NBEAL1: variants seen among roughly 807,000 people sequenced by gnomAD.
NBEAL1 encodes neurobeachin-like protein 1.
Under a neutral mutation model 351.3 loss-of-function variants are expected in NBEAL1, and 273 were observed. The observed-to-expected ratio is 0.78, with a 90% CI of 0.70 to 0.86. The LOEUF is 0.86. Among genes scored for constraint, NBEAL1 ranks in the 40% least tolerant of loss-of-function variants. The pLI is 0.00. For missense variants in NBEAL1, 2,961 were observed against 3,201.3 expected, an observed-to-expected ratio of 0.92 and a Z score of 1.81; for synonymous variants, 1,050 against 1,086.4, an observed-to-expected ratio of 0.97 and a Z score of 0.66.
rs2065697614 is a variant in NBEAL1, at chr2:203,209,136, AT to A, written c.7624-21del. The A allele has an allele frequency of 5.1e-6, 8 of 1,560,846 alleles. No homozygotes were observed. In the East Asian group the frequency reaches 1.8e-4, roughly 36 times the overall value. On this transcript the variant is annotated intron_variant, in intron 52 of 55. Transcript: ENST00000683969. ...GCTGTTCTTTTCCTTTGTCTTTTTC[AT>A]TTTCTGATATATCCTGTGTGTAGGA...
chr2:203,016,281 A>C lies in NBEAL1; in HGVS notation c.-104A>C. Reference sequence around the variant, plus strand: ...TCTTTTTGCTTTCTTTACTGCTATGAGCTTTACTGAACGGCTGAAAAACTT... The same window carrying C: ...TCTTTTTGCTTTCTTTACTGCTATGCGCTTTACTGAACGGCTGAAAAACTT... On this transcript the variant is annotated 5_prime_UTR_variant, in exon 2 of 56. Coordinates refer to ENST00000683969, the MANE Select transcript of NBEAL1 (RefSeq NM_001378026.1). 1.4e-6 allele frequency: 1 copy of C among 726,306 alleles called. No individual in the cohort carries two copies. The allele number at this position is 726,306 out of a possible 1,614,324, so 45.0% of individuals were successfully genotyped here.
intron 43 of NBEAL1, chr2:203,182,121 T>G (rs2064736714): frequency 6.6e-6 from 1 of 152,128 alleles, no homozygotes; most frequent in African/African-American, 2.4e-5. Context: ...AGGAAAAAAT[T>G]TAATAAAACC....
chr2:203,153,805 T>G lies in NBEAL1; in HGVS notation c.5587+2216T>G, dbSNP rs2063724392. On this transcript the variant is annotated intron_variant, in intron 35 of 55. Coordinates refer to ENST00000683969, the MANE Select transcript of NBEAL1 (RefSeq NM_001378026.1). ...AGGCATAGTGTTCCATATTATTTTC[T>G]CGACTTTTGCCAAGAAATTTCCTTC... Among the ~76,000 whole-genome samples, 2 of 152,218 alleles carry G rather than the reference T, an allele frequency of 1.3e-5. 1 individual carries two copies. Among genetic ancestry groups the G allele is most frequent in the South Asian group, 4.1e-4 (2 of 4,826 alleles).
chr2:203,050,090 C>T, intron 4 of NBEAL1, 115 bp downstream of exon 4: 1 of 927,920 alleles, frequency 1.1e-6, no homozygotes. Flanking sequence ...GGGTAGGGTG[C>T]TAGGAGAGGG....
At chr2:203,053,578 G>A (rs746743010) in intron 4 of NBEAL1, among the ~76,000 whole-genome samples, 2 of 151,922 alleles carry the variant, frequency 1.3e-5, no homozygotes, top group African/African-American at 4.8e-5. Flanking sequence ...CCTGAGGTGC[G>A]GTGGCATGAT....
chr2:203,034,039 TTTAC>T (rs1359906693), intron 2 of NBEAL1, among the ~76,000 whole-genome samples: 1 of 152,226 alleles, frequency 6.6e-6, no homozygotes, highest in Non-Finnish European at 1.5e-5. Flanking sequence ...CTGTTTTGCA[TTTAC>T]TTGTTTATAC....
intron 23 of NBEAL1, 98 bp downstream of exon 23, chr2:203,127,024 C>A: frequency 2.4e-6 from 2 of 829,954 alleles, no homozygotes; most frequent in Non-Finnish European, 3.8e-6. Flanking sequence ...ACCAGCGATT[C>A]TAGTATGTTT....
intron 2 of NBEAL1, among the ~76,000 whole-genome samples, chr2:203,017,635 G>T (rs2060702914): frequency 6.6e-6 from 1 of 151,988 alleles, no homozygotes; most frequent in South Asian, 2.1e-4. Context: ...GTTTGAAAAT[G>T]ATTTATTTAA....
chr2:203,180,586 T>C (rs1002779695), intron 43 of NBEAL1, 74 bp downstream of exon 43: 2 of 1,316,034 alleles, frequency 1.5e-6, no homozygotes, highest in African/African-American at 3.0e-5. Flanking sequence ...TTCAGGACAT[T>C]TTTGTAATAT....
rs770121488 is a variant in NBEAL1, at chr2:203,197,352, G to T, written c.7089G>T (p.Gln2363His). 42 of 1,605,422 alleles carry T rather than the reference G, an allele frequency of 2.6e-5. No homozygotes were observed. The highest frequency in any genetic ancestry group is 1.6e-4 in the Middle Eastern group (1 of 6,070). Residue 2363 changes from glutamine (Q) to histidine (H), a missense_variant, in exon 48 of 56, where the codon CAG becomes CAT. Transcript: ENST00000683969. ...PLLKATIPKNQYRSFMSQGSP... is the reference protein window; with the variant it reads ...PLLKATIPKNHYRSFMSQGSP... Reference sequence around the variant, plus strand: ...TAAAGGCCACCATCCCCAAAAATCAGTATCGTTCTTTTATGTCTCAAGGCA... The same window carrying T: ...TAAAGGCCACCATCCCCAAAAATCATTATCGTTCTTTTATGTCTCAAGGCA...
intron 8 of NBEAL1, 50 bp downstream of exon 8, chr2:203,077,887 A>G: frequency 9.8e-7 from 1 of 1,022,060 alleles, no homozygotes; most frequent in South Asian, 2.5e-5. Flanking sequence ...TAACAGTGCA[A>G]AAAGCTTTCC....
At chr2:203,150,147 C>T (rs1488430184) in intron 34 of NBEAL1, among the ~76,000 whole-genome samples, 1 of 152,132 alleles carries the variant, frequency 6.6e-6, no homozygotes, top group Non-Finnish European at 1.5e-5. Flanking sequence ...CTGATTTCCA[C>T]AGCAGCTGCA....
At chr2:203,161,560 C>A (rs75568136) in intron 36 of NBEAL1, among the ~76,000 whole-genome samples, 2 of 151,500 alleles carry the variant, frequency 1.3e-5, no homozygotes, top group African/African-American at 4.9e-5. Context: ...ACTCAGGAGG[C>A]GGAGGTTGCA....
chr2:203,184,074 T>TAAAAAAAAAAAAAAAAA (rs1170251389), intron 44 of NBEAL1, among the ~76,000 whole-genome samples: 28 of 87,980 alleles, frequency 3.2e-4, no homozygotes, highest in African/African-American at 5.1e-4. Flanking sequence ...CGAGACTGTC[T>TAAAAAAAAAAAAAAAAA]AAAAAAAAAA....
chr2:203,111,904 A>C (rs2106244179), intron 15 of NBEAL1, 75 bp from the exon 16 acceptor site: 1 of 1,452,432 alleles, frequency 6.9e-7, no homozygotes, highest in East Asian at 2.5e-5. Context: ...ATTATAGAGC[A>C]AACTTCTGAA....
chr2:203,207,187 C>T (rs370235164), intron 51 of NBEAL1, among the ~76,000 whole-genome samples: 249 of 151,046 alleles, frequency 1.6e-3, no homozygotes, highest in African/African-American at 5.2e-3. Context: ...GCCCGGCAGC[C>T]GCCCCGTCTG....
intron 49 of NBEAL1, among the ~76,000 whole-genome samples, 189 bp from the exon 50 acceptor site, chr2:203,201,354 C>T (rs976290506): frequency 7.2e-5 from 11 of 152,026 alleles, no homozygotes; most frequent in African/African-American, 2.7e-4. Context: ...TATGTATATT[C>T]TTAATTTATG....
intron 53 of NBEAL1, among the ~76,000 whole-genome samples, chr2:203,210,098 C>G (rs1365724855): frequency 4.6e-5 from 7 of 152,096 alleles, no homozygotes. Context: ...AGTGGTGGCT[C>G]ACTCCTGTAA....
intron 35 of NBEAL1, 50 bp downstream of exon 35, chr2:203,151,639 C>A: frequency 1.3e-6 from 2 of 1,502,268 alleles, no homozygotes; most frequent in South Asian, 2.7e-5. Flanking sequence ...TGAGAGTGTT[C>A]GTGGGGTTGA....
Sources: allele counts gnomAD v4.1 joint callset (sites outside exome capture counted in the v4.1 genomes callset), GRCh38; gene constraint gnomAD v4.1.1; transcripts MANE v1.5; gene names NCBI Gene and HGNC (gene_info 2026-07-23, HGNC 2026-07-21).